STAM: variants seen among roughly 807,000 people sequenced by gnomAD.
STAM encodes the protein signal transducing adaptor molecule, also known as signal transducing adapter molecule 1.
In STAM, 16 loss-of-function variants were observed where a neutral mutation model predicts 63.4. The observed-to-expected ratio is 0.25, with a 90% CI of 0.17 to 0.38. STAM has a LOEUF of 0.38. STAM is among the 10% of genes least tolerant of loss of function. STAM has a pLI of 1.00. For missense variants in STAM, 636 were observed against 657.1 expected (o/e 0.97, Z 0.35); for synonymous variants, 238 against 223.9 (o/e 1.06, Z -0.56).
chr10:17,672,725 T>C (rs565725337), intron 2 of STAM, among the ~76,000 whole-genome samples: 1 of 152,362 alleles, frequency 6.6e-6, no homozygotes, highest in Admixed American at 6.5e-5. Context: ...AGTTCTCCAA[T>C]AGTTAAATCC....
chr10:17,673,127 T>A (rs1291519979), intron 2 of STAM: 21 of 719,820 alleles, frequency 2.9e-5, no homozygotes, highest in Non-Finnish European at 3.6e-5. Flanking sequence ...ACGTGCAGAT[T>A]TTCTCTTACC....
chr10:17,661,892 A>C (rs1223129380), intron 2 of STAM, among the ~76,000 whole-genome samples: 1 of 124,458 alleles, frequency 8.0e-6, no homozygotes, highest in African/African-American at 3.4e-5. Context: ...GAATCTCCCA[A>C]ATGTGGTCCC....
intron 12 of STAM, among the ~76,000 whole-genome samples, chr10:17,706,527 C>G (rs1433894499): frequency 2.6e-5 from 4 of 151,810 alleles, no homozygotes; most frequent in African/African-American, 9.7e-5. Flanking sequence ...TACAGGCGCC[C>G]GTCACCACGC....
intron 2 of STAM, among the ~76,000 whole-genome samples, chr10:17,661,613 T>C (rs11254709): frequency 0.12 from 17,537 of 152,218 alleles, 1,107 homozygotes; most frequent in Middle Eastern, 0.16. Context: ...TCTCTTTTTG[T>C]TTTAAACCTA....
At chr10:17,708,312 G>A (rs183506892) in intron 12 of STAM, among the ~76,000 whole-genome samples, 3 of 152,284 alleles carry the variant, frequency 2.0e-5, no homozygotes, top group African/African-American at 7.2e-5. Flanking sequence ...TTACAAAAAA[G>A]TTTGCTGACC....
chr10:17,674,097 T>C lies in STAM; in HGVS notation c.126-10578T>C, dbSNP rs76045842. 5.3e-3 allele frequency among the ~76,000 whole-genome samples: 802 copies of C among 152,328 alleles called. 13 individuals are homozygous for C. The highest frequency in any genetic ancestry group is 0.019 in the African/African-American group (777 of 41,572). ...ATGGCTGGCTTTTGTAAGCCTGACC[T>C]GATTTAGTCTTTATAAACTTGAAGT... On this transcript the variant is annotated intron_variant, in intron 2 of 13. Coordinates refer to ENST00000377524, the MANE Select transcript of STAM (RefSeq NM_003473.4).
At chr10:17,665,464 T>C (rs1420981241) in intron 2 of STAM, among the ~76,000 whole-genome samples, 2 of 152,124 alleles carry the variant, frequency 1.3e-5, no homozygotes, top group Non-Finnish European at 2.9e-5. Flanking sequence ...TGTGAATACA[T>C]TTTCCCCCCA....
intron 2 of STAM, chr10:17,673,085 G>A (rs1185240155): frequency 2.1e-6 from 2 of 970,816 alleles, no homozygotes; most frequent in African/African-American, 1.8e-5. Context: ...ACAGGTAGGT[G>A]ATGGAAACCT....
chr10:17,681,197 C>CTTTT (rs201425906), intron 2 of STAM, among the ~76,000 whole-genome samples: 1 of 123,694 alleles, frequency 8.1e-6, no homozygotes, highest in African/African-American at 3.0e-5. Context: ...TTGAGATCGT[C>CTTTT]TTTTTTTTTT....
At chr10:17,645,475 G>T (rs1163791893) in intron 1 of STAM, among the ~76,000 whole-genome samples, 1 of 152,134 alleles carries the variant, frequency 6.6e-6, no homozygotes, top group Non-Finnish European at 1.5e-5. Flanking sequence ...CTCAGCTCAC[G>T]GTGAAATCAT....
At chr10:17,647,767 TTAAG>T (rs1554821044) in intron 1 of STAM, among the ~76,000 whole-genome samples, 2 of 152,210 alleles carry the variant, frequency 1.3e-5, no homozygotes, top group East Asian at 1.9e-4. Flanking sequence ...GTACTTTTTA[TTAAG>T]TAAGATTTTA....
chr10:17,667,757 T>G lies in STAM; in HGVS notation c.125+7209T>G, dbSNP rs12254619. On this transcript the variant is annotated intron_variant, in intron 2 of 13. Coordinates refer to ENST00000377524, the MANE Select transcript of STAM (RefSeq NM_003473.4). ...GTATGAGGGGGTTACGTTTATGCTA[T>G]AATTTTAATGTTGAAAAGAGACAGA... Among the ~76,000 whole-genome samples, 808 of 152,354 alleles carry G rather than the reference T, an allele frequency of 5.3e-3. 3 individuals are homozygous for G. Among genetic ancestry groups the G allele is most frequent in the African/African-American group, 0.019 (778 of 41,572 alleles).
At chr10:17,707,531 C>T (rs1836347146) in intron 12 of STAM, among the ~76,000 whole-genome samples, 2 of 152,126 alleles carry the variant, frequency 1.3e-5, no homozygotes, top group Admixed American at 6.5e-5. Context: ...GGGGCCAGCA[C>T]CCTGTAGATG....
chr10:17,714,587 C>G lies in STAM; in HGVS notation c.1430C>G (p.Ala477Gly). 1 of 1,614,168 alleles carries G rather than the reference C, an allele frequency of 6.2e-7. No homozygotes were observed. Among genetic ancestry groups the G allele is most frequent in the South Asian group, 1.1e-5 (1 of 91,070 alleles). The change falls in exon 14 of 14, where the codon GCG becomes GGG. Residue 477 changes from alanine (A) to glycine (G), a missense_variant. Physicochemically the swap from Ala to Gly is moderately conservative, Grantham distance 60 (BLOSUM62 0). Around this residue, in one of 3 missense-constraint regions of STAM, gnomAD observed 532 missense variants for 536.9 expected, o/e 0.99. Transcript: ENST00000377524. ...CAAGGAAACACATATCCCAGCCAGGCGCCAGTATATAGTCCTCCTCCTGCC... is the reference window on the plus strand; with the variant it reads ...CAAGGAAACACATATCCCAGCCAGGGGCCAGTATATAGTCCTCCTCCTGCC... ...SVQGNTYPSQ[A>G]PVYSPPPAAT...
At chr10:17,685,697 A>T (rs1307976831) in intron 4 of STAM, among the ~76,000 whole-genome samples, 3 of 152,162 alleles carry the variant, frequency 2.0e-5, no homozygotes, top group Admixed American at 6.5e-5. Context: ...TTGGGTCCAA[A>T]CCTATGGTGG....
In STAM at chr10:17,704,306, A is replaced by G. The variant is rs149058010; in HGVS notation, c.913-125A>G. 561 of 764,438 alleles carry G rather than the reference A, an allele frequency of 7.3e-4. 1 individual carries two copies. Among genetic ancestry groups the G allele is most frequent in the African/African-American group, 6.8e-3 (386 of 56,910 alleles). 47.4% of individuals were successfully genotyped at this position (764,438 alleles called of 1,614,324 possible). On this transcript the variant is annotated intron_variant, in intron 9 of 13. Transcript: ENST00000377524. ...AATAAATACATGGGACACTGACAAC[A>G]TAAAAGCAAAATTGGAGTCTCCATA...
chr10:17,671,279 G>T (rs1834629816), intron 2 of STAM, among the ~76,000 whole-genome samples: 1 of 152,140 alleles, frequency 6.6e-6, no homozygotes, highest in Non-Finnish European at 1.5e-5. Flanking sequence ...AAGATGTAAT[G>T]TTTAAATCAC....
intron 6 of STAM, among the ~76,000 whole-genome samples, chr10:17,693,985 G>A (rs61842340): frequency 0.12 from 18,393 of 152,018 alleles, 1,203 homozygotes; most frequent in African/African-American, 0.16. Flanking sequence ...CATGAATCTG[G>A]TAGGTTTAAA....
intron 1 of STAM, among the ~76,000 whole-genome samples, chr10:17,654,708 A>T (rs922968611): frequency 3.9e-5 from 6 of 152,170 alleles, no homozygotes; most frequent in Non-Finnish European, 8.8e-5. Context: ...TTGAGCAATG[A>T]TAGGTAAATT....
Sources: allele counts gnomAD v4.1 joint callset (sites outside exome capture counted in the v4.1 genomes callset), GRCh38; gene constraint gnomAD v4.1.1; regional missense constraint gnomAD v4.1.1; transcripts MANE v1.5; gene names NCBI Gene and HGNC (gene_info 2026-07-23, HGNC 2026-07-21).